Variants in PCDH15 observed in about 807,000 individuals in gnomAD.
PCDH15 encodes the protein protocadherin-15.
Under a neutral mutation model 178.5 loss-of-function variants are expected in PCDH15, and 129 were observed. That is an observed-to-expected ratio of 0.72 (90% confidence interval 0.63 to 0.84). The LOEUF is 0.84. PCDH15 is among the 40% of genes least tolerant of loss of function. The pLI, the probability that PCDH15 is intolerant of heterozygous loss-of-function variation, is 0.00. For missense variants in PCDH15, 2,230 were observed against 2,099.9 expected (o/e 1.06, Z -1.21); for synonymous variants, 800 against 732.0 (o/e 1.09, Z -1.50).
chr10:55,553,077 AAT>A (rs1314230725), intron 2 of PCDH15, among the ~76,000 whole-genome samples: 1 of 151,666 alleles, frequency 6.6e-6, no homozygotes, highest in African/African-American at 2.4e-5. Context: ...TAATTATATA[AAT>A]ATCTCTCAAT....
intron 2 of PCDH15, among the ~76,000 whole-genome samples, chr10:55,026,529 A>G (rs866545938): frequency 6.6e-6 from 1 of 151,982 alleles, no homozygotes; most frequent in East Asian, 1.9e-4. Flanking sequence ...TTGGAATTCA[A>G]CTACAAAGAG....
intron 2 of PCDH15, among the ~76,000 whole-genome samples, chr10:55,383,610 T>C (rs1837588049): frequency 6.6e-6 from 1 of 152,322 alleles, no homozygotes; most frequent in African/African-American, 2.4e-5. Context: ...GTAAATGAGC[T>C]TCTTTGCAGC....
intron 19 of PCDH15, among the ~76,000 whole-genome samples, chr10:54,021,125 C>T (rs2092908268): frequency 6.6e-6 from 1 of 152,038 alleles, no homozygotes; most frequent in Non-Finnish European, 1.5e-5. Flanking sequence ...AAAAATGTGA[C>T]ATGCTATCTA....
At chr10:53,846,332 G>A (rs1278823273) in intron 28 of PCDH15, among the ~76,000 whole-genome samples, 1 of 151,740 alleles carries the variant, frequency 6.6e-6, no homozygotes, top group Non-Finnish European at 1.5e-5. Context: ...ACATACTCCT[G>A]TTAATGTCTA....
intron 37 of PCDH15, 101 bp from the exon 38 acceptor site, chr10:53,807,231 G>A: frequency 1.0e-6 from 1 of 984,086 alleles, no homozygotes; most frequent in Non-Finnish European, 1.5e-6. Context: ...TTAGAAAGCT[G>A]TCAAAGGTAA....
chr10:55,576,814 A>G (rs75820236), intron 2 of PCDH15, among the ~76,000 whole-genome samples: 1 of 152,320 alleles, frequency 6.6e-6, no homozygotes, highest in East Asian at 1.9e-4. Context: ...CTAAAATTCT[A>G]TTAAAACATG....
intron 2 of PCDH15, among the ~76,000 whole-genome samples, chr10:55,479,320 T>A (rs771046453): frequency 6.6e-6 from 1 of 151,656 alleles, no homozygotes; most frequent in Non-Finnish European, 1.5e-5. Context: ...ATCCCAGCAA[T>A]GCAAAGATGA....
At chr10:54,711,838 T>G (rs1240734697) in intron 1 of PCDH15, among the ~76,000 whole-genome samples, 1 of 151,938 alleles carries the variant, frequency 6.6e-6, no homozygotes, top group African/African-American at 2.4e-5. Context: ...TTATAATCCT[T>G]AAGTAGTGGG....
intron 2 of PCDH15, among the ~76,000 whole-genome samples, chr10:55,157,338 C>CTGTTT (rs1246732325): frequency 1.3e-5 from 2 of 149,274 alleles, no homozygotes; most frequent in African/African-American, 5.0e-5. Context: ...GAAATAGGAA[C>CTGTTT]ACTTTTACAC....
rs758977538 is a variant in PCDH15, at chr10:55,364,160, GCTTCCC to G, written c.-155-197515_-155-197510del. On this transcript the variant is annotated intron_variant, in intron 2 of 5. Coordinates refer to the PCDH15 transcript ENST00000613346. ...TGCCACCTTGCGAAGAAAGGGCCTTGCTTCCCCTTCCCCTTCCCCTTCTGCCATGAT... is the reference window on the plus strand; with the variant it reads ...TGCCACCTTGCGAAGAAAGGGCCTTGCTTCCCCTTCCCCTTCTGCCATGAT... Among the ~76,000 whole-genome samples, 15 of 152,014 alleles carry G rather than the reference GCTTCCC, an allele frequency of 9.9e-5. 1 individual carries two copies. The highest frequency in any genetic ancestry group is 3.9e-4 in the East Asian group (2 of 5,152).
chr10:54,168,101 C>T lies in PCDH15; in HGVS notation c.1591-14808G>A, dbSNP rs546887012. 7.3e-3 allele frequency among the ~76,000 whole-genome samples: 1,098 copies of T among 150,400 alleles called. 18 individuals are homozygous for T. Among genetic ancestry groups the T allele is most frequent in the African/African-American group, 0.026 (1,071 of 40,864 alleles). On this transcript the variant is annotated intron_variant, in intron 13 of 37. Transcript: ENST00000644397. ...TCTTCAACTCACACCTGACCTAAAA[C>T]CTAAATGCCTTATTTTCTTCTGCAA...
chr10:54,622,109 G>C (rs2093369335), intron 2 of PCDH15, among the ~76,000 whole-genome samples: 1 of 151,866 alleles, frequency 6.6e-6, no homozygotes, highest in Non-Finnish European at 1.5e-5. Context: ...CTGTGGGGAA[G>C]GCTGGTGAAC....
chr10:54,286,329 T>C (rs1205445930), intron 8 of PCDH15, among the ~76,000 whole-genome samples: 3 of 152,168 alleles, frequency 2.0e-5, no homozygotes, highest in Admixed American at 6.5e-5. Flanking sequence ...TGCATAATTA[T>C]TATGTGTCAA....
At chr10:54,076,571 CA>C (rs952240380) in intron 17 of PCDH15, among the ~76,000 whole-genome samples, 8 of 149,152 alleles carry the variant, frequency 5.4e-5, no homozygotes, top group Non-Finnish European at 5.9e-5. Context: ...TCTGAATCTT[CA>C]AAAAAAAATT....
intron 2 of PCDH15, among the ~76,000 whole-genome samples, chr10:55,086,264 G>A (rs1842165079): frequency 2.0e-5 from 3 of 151,880 alleles, no homozygotes; most frequent in South Asian, 4.2e-4. Context: ...ATTATTTTTA[G>A]ATGAAAACTA....
chr10:55,073,183 T>G (rs1246636018), intron 2 of PCDH15, among the ~76,000 whole-genome samples: 4 of 151,960 alleles, frequency 2.6e-5, no homozygotes, highest in Admixed American at 1.3e-4. Context: ...CTTTGAAAAC[T>G]GGCACAAGAC....
At chr10:55,071,679 A>T (rs1841750634) in intron 2 of PCDH15, among the ~76,000 whole-genome samples, 1 of 152,096 alleles carries the variant, frequency 6.6e-6, no homozygotes, top group African/African-American at 2.4e-5. Flanking sequence ...TCAACATTAG[A>T]CAGATCAACG....
chr10:54,317,339 G>A lies in PCDH15; in HGVS notation c.808C>T (p.Leu270Phe). 6.2e-7 allele frequency: 1 copy of A among 1,614,012 alleles called. No homozygotes were observed. The highest frequency in any genetic ancestry group is 8.5e-7 in the Non-Finnish European group (1 of 1,179,932). Residue 270 changes from leucine to phenylalanine, a missense_variant, in exon 8 of 38, where the codon CTT becomes TTT. Transcript: ENST00000644397. Reference sequence around the variant, plus strand: ...CGGCAATCACGAGTGTTTGGCACAAGGACACAAGGAAGAAACATTGGACCC... The same window carrying A: ...CGGCAATCACGAGTGTTTGGCACAAAGACACAAGGAAGAAACATTGGACCC... The part of the protein sequence containing the change: ...DLGPMFLPCV[L>F]VPNTRDCRPL...
intron 2 of PCDH15, among the ~76,000 whole-genome samples, chr10:55,391,989 T>G (rs548829292): frequency 6.6e-6 from 1 of 152,306 alleles, no homozygotes; most frequent in South Asian, 2.1e-4. Flanking sequence ...GTAGGGTTAT[T>G]AACTGGTTTA....
Sources: gnomAD v4.1 joint callset for allele counts (sites outside exome capture counted in the v4.1 genomes callset) on GRCh38, gnomAD v4.1.1 for gene constraint, MANE v1.5 for transcripts, NCBI Gene and HGNC (gene_info 2026-07-23, HGNC 2026-07-21) for gene names.